Variants in MTMR8 observed in about 807,000 individuals in gnomAD.
MTMR8 encodes myotubularin related protein 8.
Under a neutral mutation model 39.3 loss-of-function variants are expected in MTMR8, and 65 were observed. The ratio of observed to expected loss-of-function variants is 1.65; its 90% CI spans 1.35 to 2.03. The LOEUF (loss-of-function observed/expected upper bound fraction) is 2.03. Among genes scored for constraint, MTMR8 ranks in the 30% most tolerant of loss-of-function variants. The probability of loss-of-function intolerance (pLI) is 0.00; values close to 1 mark genes in which losing one functional copy is unlikely to be tolerated. For missense variants in MTMR8, 777 were observed against 538.9 expected, an observed-to-expected ratio of 1.44 and a Z score of -4.37; for synonymous variants, 245 against 185.2, an observed-to-expected ratio of 1.32 and a Z score of -2.62.
chrX:64,296,762 G>T (rs1352657274), intron 12 of MTMR8, among the ~76,000 whole-genome samples: 3 of 95,170 alleles, frequency 3.2e-5, no homozygotes, highest in Admixed American at 2.4e-4. Flanking sequence ...CCCAGAGTGT[G>T]ATATTCCCCT....
intron 4 of MTMR8, among the ~76,000 whole-genome samples, chrX:64,350,791 C>T (rs1283280686): frequency 9.0e-6 from 1 of 111,146 alleles, no homozygotes; most frequent in Non-Finnish European, 1.9e-5. Flanking sequence ...TCAAGTTTAT[C>T]AGCTTTTAGT....
chrX:64,309,261 T>C (rs1040148582), intron 12 of MTMR8, among the ~76,000 whole-genome samples: 3 of 112,001 alleles, frequency 2.7e-5, no homozygotes, highest in Non-Finnish European at 5.6e-5. Flanking sequence ...CTTCATTTAT[T>C]TAGTTCTTTG....
intron 8 of MTMR8, among the ~76,000 whole-genome samples, chrX:64,339,927 A>G (rs1325200649): frequency 8.9e-6 from 1 of 112,122 alleles, no homozygotes; most frequent in African/African-American, 3.2e-5. Context: ...GGTACAAGGA[A>G]TATCTGCTTG....
intron 1 of MTMR8, among the ~76,000 whole-genome samples, chrX:64,376,602 G>A (rs761873796): frequency 7.1e-5 from 8 of 112,019 alleles, no homozygotes; most frequent in African/African-American, 9.8e-5. Context: ...AACAGCATAC[G>A]CTCATATATG....
chrX:64,325,700 T>C (rs1922771102), intron 12 of MTMR8, among the ~76,000 whole-genome samples: 1 of 112,396 alleles, frequency 8.9e-6, no homozygotes. Context: ...CAGGGAAAAG[T>C]TGGAAGCTCT....
chrX:64,348,946 C>A (rs1023058548), intron 5 of MTMR8, 152 bp from the exon 6 acceptor site: 2 of 610,506 alleles, frequency 3.3e-6, no homozygotes, highest in Non-Finnish European at 4.9e-6. Flanking sequence ...TAAAGTCATT[C>A]TCCACTGACA....
chrX:64,326,877 G>C (rs780195094), intron 12 of MTMR8, among the ~76,000 whole-genome samples: 2 of 109,459 alleles, frequency 1.8e-5, no homozygotes, highest in African/African-American at 3.3e-5. Context: ...ATGGAATAGA[G>C]AGCCCAGAAA....
chrX:64,355,767 T>A (rs1438906591), intron 3 of MTMR8, among the ~76,000 whole-genome samples: 1 of 110,622 alleles, frequency 9.0e-6, no homozygotes, highest in Non-Finnish European at 1.9e-5. Flanking sequence ...CTAGTTGGAA[T>A]TAAAAGTAGG....
At chrX:64,349,503 ATAAG>A (rs775992262) in intron 5 of MTMR8, among the ~76,000 whole-genome samples, 23 of 111,139 alleles carry the variant, frequency 2.1e-4, no homozygotes, top group African/African-American at 6.9e-4. Context: ...CACTTCCTAC[ATAAG>A]TAAGGGGATT....
At chrX:64,301,174 G>T (rs1209054535) in intron 12 of MTMR8, among the ~76,000 whole-genome samples, 12 of 109,977 alleles carry the variant, frequency 1.1e-4, no homozygotes, top group Non-Finnish European at 2.1e-4. Context: ...CAGAGTGTTT[G>T]CCAACTTGGT....
intron 12 of MTMR8, among the ~76,000 whole-genome samples, chrX:64,313,423 G>A (rs1444028213): frequency 8.9e-6 from 1 of 112,737 alleles, no homozygotes; most frequent in Non-Finnish European, 1.9e-5. Flanking sequence ...ATTGAAGACA[G>A]TTAGGAACTT....
intron 13 of MTMR8, among the ~76,000 whole-genome samples, chrX:64,270,190 G>A (rs1440424034): frequency 1.8e-5 from 2 of 111,558 alleles, no homozygotes; most frequent in Non-Finnish European, 3.8e-5. Flanking sequence ...GTAACTGGCT[G>A]TTGCCTCCCA....
chrX:64,296,769 C>T (rs1398818317), intron 12 of MTMR8, among the ~76,000 whole-genome samples: 1 of 98,994 alleles, frequency 1.0e-5, no homozygotes. Flanking sequence ...TGTGATATTC[C>T]CCTTCCTGTG....
At chrX:64,312,683 A>G (rs976600012) in intron 12 of MTMR8, among the ~76,000 whole-genome samples, 2 of 112,613 alleles carry the variant, frequency 1.8e-5, no homozygotes, top group Non-Finnish European at 1.9e-5. Flanking sequence ...AGCAATTACA[A>G]TCTATGGCAG....
chrX:64,314,881 CA>C (rs1308448078), intron 12 of MTMR8, among the ~76,000 whole-genome samples: 1 of 111,342 alleles, frequency 9.0e-6, no homozygotes, highest in East Asian at 2.8e-4. Context: ...TGCAGACCCC[CA>C]GGGTACCAAG....
At chrX:64,341,612 T>C (rs1417297778) in intron 8 of MTMR8, among the ~76,000 whole-genome samples, 1 of 111,278 alleles carries the variant, frequency 9.0e-6, no homozygotes, top group Non-Finnish European at 1.9e-5. Context: ...CAGCCACCTA[T>C]AGCTACTTAA....
At chrX:64,374,331 G>T (rs955337237) in intron 1 of MTMR8, among the ~76,000 whole-genome samples, 21 of 111,865 alleles carry the variant, frequency 1.9e-4, no homozygotes, top group African/African-American at 4.9e-4. Flanking sequence ...AGATTCTGTA[G>T]TATCTACTAT....
chrX:64,379,272 A>T (rs946888902), intron 1 of MTMR8, among the ~76,000 whole-genome samples: 1 of 112,098 alleles, frequency 8.9e-6, no homozygotes, highest in African/African-American at 3.2e-5. Context: ...TTCCTAACTC[A>T]TTCTATAAGG....
intron 12 of MTMR8, among the ~76,000 whole-genome samples, chrX:64,288,857 G>T (rs751194659): frequency 1.8e-5 from 2 of 109,866 alleles, no homozygotes; most frequent in African/African-American, 3.3e-5. Flanking sequence ...ATCACACACC[G>T]GGGCCTGTTG....
Sources: gnomAD v4.1 joint callset for allele counts (sites outside exome capture counted in the v4.1 genomes callset) on GRCh38, gnomAD v4.1.1 for gene constraint, MANE v1.5 for transcripts, NCBI Gene and HGNC (gene_info 2026-07-23, HGNC 2026-07-21) for gene names.